The following PTPRK variants were observed in gnomAD, a reference collection of about 807,000 sequenced individuals.
PTPRK encodes receptor-type tyrosine-protein phosphatase kappa.
In PTPRK, 75 loss-of-function variants were observed where a neutral mutation model predicts 178.0. The observed-to-expected ratio is 0.42, with a 90% CI of 0.35 to 0.51. The LOEUF is 0.51. Ranked by LOEUF, PTPRK falls within the 20% of genes least tolerant of loss-of-function variation. The pLI is 0.02. For missense variants in PTPRK, 1,441 were observed against 1,797.8 expected (o/e 0.80, Z 3.59); for synonymous variants, 637 against 620.6 (o/e 1.03, Z -0.39).
chr6:128,042,666 C>A (rs145164189), intron 13 of PTPRK, among the ~76,000 whole-genome samples: 9 of 152,044 alleles, frequency 5.9e-5, no homozygotes, highest in Non-Finnish European at 1.2e-4. Flanking sequence ...ATCACAACTG[C>A]AAATTCTCTT....
intron 13 of PTPRK, among the ~76,000 whole-genome samples, chr6:128,048,367 C>T (rs1313353064): frequency 6.6e-6 from 1 of 152,134 alleles, no homozygotes; most frequent in Non-Finnish European, 1.5e-5. Flanking sequence ...AGCTCATCCC[C>T]TGGATTTGAC....
chr6:128,306,284 A>C (rs779066320), intron 3 of PTPRK, among the ~76,000 whole-genome samples: 9 of 152,230 alleles, frequency 5.9e-5, no homozygotes, highest in Non-Finnish European at 1.0e-4. Context: ...TGCCAAAAGA[A>C]TGATAGAATG....
At chr6:128,390,154 A>ACT (rs1839350948) in intron 2 of PTPRK, among the ~76,000 whole-genome samples, 2 of 152,166 alleles carry the variant, frequency 1.3e-5, no homozygotes, top group Admixed American at 1.3e-4. Context: ...CTCACTGCAA[A>ACT]CAAAGACTTA....
intron 2 of PTPRK, among the ~76,000 whole-genome samples, chr6:128,372,752 AG>A (rs1407032570): frequency 6.6e-6 from 1 of 152,186 alleles, no homozygotes; most frequent in Non-Finnish European, 1.5e-5. Flanking sequence ...GCTACTCCAT[AG>A]TACATGGAGA....
At chr6:128,423,953 G>A (rs1843788338) in intron 1 of PTPRK, among the ~76,000 whole-genome samples, 1 of 152,012 alleles carries the variant, frequency 6.6e-6, no homozygotes. Context: ...GGGTGTGGTG[G>A]CTTACACCTG....
intron 7 of PTPRK, among the ~76,000 whole-genome samples, chr6:128,126,284 T>G (rs570292547): frequency 6.6e-6 from 1 of 152,164 alleles, no homozygotes; most frequent in African/African-American, 2.4e-5. Flanking sequence ...GTTTTCATTG[T>G]TCATTTATGA....
intron 3 of PTPRK, among the ~76,000 whole-genome samples, chr6:128,291,632 C>T (rs1357726929): frequency 6.6e-6 from 1 of 152,112 alleles, no homozygotes; most frequent in Non-Finnish European, 1.5e-5. Flanking sequence ...AGTGATATTT[C>T]TCCCACTGCT....
chr6:128,128,213 C>T (rs532155603), intron 7 of PTPRK, among the ~76,000 whole-genome samples: 1 of 152,240 alleles, frequency 6.6e-6, no homozygotes, highest in South Asian at 2.1e-4. Context: ...TTTAAAGTAG[C>T]TTTCAATGTT....
chr6:128,321,835 A>G, intron 3 of PTPRK: 1 of 733,640 alleles, frequency 1.4e-6, no homozygotes, highest in Non-Finnish European at 2.4e-6. Flanking sequence ...CCTCATCAAC[A>G]GGGTGGGGAA....
At chr6:128,173,496 C>T (rs987835576) in intron 7 of PTPRK, among the ~76,000 whole-genome samples, 1 of 151,944 alleles carries the variant, frequency 6.6e-6, no homozygotes, top group Non-Finnish European at 1.5e-5. Flanking sequence ...ATGGTGATGA[C>T]ACTTAAATCT....
chr6:128,298,275 T>C (rs1453473319), intron 3 of PTPRK, among the ~76,000 whole-genome samples: 3 of 152,008 alleles, frequency 2.0e-5, no homozygotes, highest in Admixed American at 1.3e-4. Flanking sequence ...ACCAGATGGA[T>C]TCACAGCCGA....
intron 15 of PTPRK, among the ~76,000 whole-genome samples, chr6:128,004,331 C>T (rs183889131): frequency 6.6e-6 from 1 of 151,768 alleles, no homozygotes; most frequent in East Asian, 1.9e-4. Context: ...AACAGATGCA[C>T]TATAGAACAG....
rs190433736 is a variant in PTPRK, at chr6:128,104,775, C to T, written c.1163-14783G>A. On this transcript the variant is annotated intron_variant, in intron 7 of 29. Transcript: ENST00000368226. ...ATTTAAACAACTGACCAGGGTAATG[C>T]TCTAGAAAAACCCTTAACATGGTTT... Among the ~76,000 whole-genome samples, 14 of 152,180 alleles carry T rather than the reference C, an allele frequency of 9.2e-5. No homozygotes were observed. The East Asian group carries it at 2.5e-3, about 27-fold the overall frequency.
At chr6:128,226,734 C>T (rs1811361098) in intron 5 of PTPRK, among the ~76,000 whole-genome samples, 2 of 136,844 alleles carry the variant, frequency 1.5e-5, no homozygotes. Flanking sequence ...TAAAATCCTA[C>T]TATATGTAAT....
intron 3 of PTPRK, among the ~76,000 whole-genome samples, chr6:128,301,922 T>G (rs1825675516): frequency 6.6e-6 from 1 of 152,222 alleles, no homozygotes; most frequent in South Asian, 2.1e-4. Context: ...TGATTTATAT[T>G]GTCTTGCCTG....
At chr6:128,469,046 AG>A (rs1850264172) in intron 1 of PTPRK, among the ~76,000 whole-genome samples, 1 of 152,150 alleles carries the variant, frequency 6.6e-6, no homozygotes, top group Non-Finnish European at 1.5e-5. Context: ...TTTAGGTGAT[AG>A]CAACGATAAA....
chr6:128,032,746 A>G (rs943863363), intron 13 of PTPRK, among the ~76,000 whole-genome samples: 1 of 152,180 alleles, frequency 6.6e-6, no homozygotes, highest in African/African-American at 2.4e-5. Flanking sequence ...TTAGATCAAT[A>G]ACATGAAGAA....
chr6:128,058,142 T>G (rs1780215352), intron 13 of PTPRK, among the ~76,000 whole-genome samples: 5 of 152,190 alleles, frequency 3.3e-5, no homozygotes. Context: ...TACTACATGT[T>G]TTTGGGTGTA....
intron 6 of PTPRK, among the ~76,000 whole-genome samples, chr6:128,216,064 G>GTA (rs1349440931): frequency 2.6e-5 from 4 of 152,040 alleles, no homozygotes; most frequent in Admixed American, 1.3e-4. Flanking sequence ...TCACCTGTAC[G>GTA]TATTAAATAT....
Sources: gnomAD v4.1 joint callset for allele counts (sites outside exome capture counted in the v4.1 genomes callset) on GRCh38, gnomAD v4.1.1 for gene constraint, MANE v1.5 for transcripts, NCBI Gene and HGNC (gene_info 2026-07-23, HGNC 2026-07-21) for gene names.